MYO10: variants seen among roughly 807,000 people sequenced by gnomAD.
The protein encoded by MYO10 is myosin X.
Under a neutral mutation model 257.3 loss-of-function variants are expected in MYO10, and 133 were observed. The observed-to-expected ratio is 0.52, with a 90% confidence interval of 0.45 to 0.60. The LOEUF is 0.60. Among genes scored for constraint, MYO10 ranks in the 20% least tolerant of loss-of-function variants. The probability of loss-of-function intolerance (pLI) is 0.00; values close to 1 mark genes in which losing one functional copy is unlikely to be tolerated. For synonymous variants in MYO10, 1,104 were observed against 1,028.6 expected (o/e 1.07, Z -1.40); for missense variants, 2,399 against 2,635.7 (o/e 0.91, Z 1.97).
intron 1 of MYO10, among the ~76,000 whole-genome samples, chr5:16,924,213 T>TGG (rs139120574): frequency 1.1e-4 from 17 of 152,054 alleles, no homozygotes; most frequent in Admixed American, 1.1e-3. Flanking sequence ...ACAACCACGC[T>TGG]GGGGGGTGAG....
At chr5:16,722,296 C>T (rs1446571699) in intron 19 of MYO10, among the ~76,000 whole-genome samples, 1 of 152,228 alleles carries the variant, frequency 6.6e-6, no homozygotes, top group African/African-American at 2.4e-5. Context: ...TTAAATTACA[C>T]ATTCTTGCAG....
Position 16,739,715 on chromosome 5 carries a change from G to T in MYO10, c.1929+15113C>A, listed in dbSNP as rs868165082. 1.1e-4 allele frequency among the ~76,000 whole-genome samples: 17 copies of T among 151,916 alleles called. No homozygotes were observed. In the South Asian group the frequency reaches 3.5e-3, roughly 32 times the overall value. ...AAGATTTATTAAGTTAAAAAAAAAA[G>T]TAGGTTACAAAATTAAGGTAAACTA... is the stretch of plus-strand genomic sequence containing the variant. On this transcript the variant is annotated intron_variant, in intron 19 of 40. Coordinates refer to ENST00000513610, the MANE Select transcript of MYO10 (RefSeq NM_012334.3).
chr5:16,784,765 G>C (rs1309308371), intron 4 of MYO10, among the ~76,000 whole-genome samples: 1 of 152,182 alleles, frequency 6.6e-6, no homozygotes, highest in Admixed American at 6.5e-5. Flanking sequence ...TATCAAGAAA[G>C]AGGAATTTTG....
chr5:16,903,680 T>A (rs1220406523), intron 1 of MYO10, among the ~76,000 whole-genome samples: 6 of 152,194 alleles, frequency 3.9e-5, no homozygotes, highest in Admixed American at 3.9e-4. Context: ...GCACCTGGCA[T>A]AGAGAACTGC....
intron 19 of MYO10, among the ~76,000 whole-genome samples, chr5:16,721,906 AC>A (rs1739167877): frequency 6.6e-6 from 1 of 152,198 alleles, no homozygotes; most frequent in African/African-American, 2.4e-5. Context: ...CCAGTTTAAG[AC>A]AAAGGCTTCG....
Position 16,779,547 on chromosome 5 carries a change from T to G in MYO10, c.928A>C (p.Ile310Leu). Residue 310 changes from isoleucine (I) to leucine (L), a missense_variant and splice_region_variant, in exon 9 of 41, where the codon ATT becomes CTT. Ile to Leu is a conservative substitution (Grantham distance 5, BLOSUM62 2). Around this residue, in one of 3 missense-constraint regions of MYO10, gnomAD observed 337 missense variants for 446.8 expected, o/e 0.75. Transcript: ENST00000513610. ...ISDQESFREV[I>L]TAMDVMQFSK... is the part of the protein sequence containing the mutation. ...GAAAACATTTAAAAGTAACTTACAA[T>G]AACTTCCCTAAAGGATTCCTGGTCA... 6.5e-7 allele frequency: 1 copy of G among 1,546,672 alleles called. No individual in the cohort carries two copies. Among genetic ancestry groups the G allele is most frequent in the Admixed American group, 2.1e-5 (1 of 48,364 alleles).
intron 1 of MYO10, among the ~76,000 whole-genome samples, chr5:16,879,538 T>A (rs940510192): frequency 2.6e-5 from 4 of 152,146 alleles, no homozygotes; most frequent in Admixed American, 2.0e-4. Flanking sequence ...AAACTAGGAA[T>A]CCTCTCAATT....
At chr5:16,710,775 G>T in intron 21 of MYO10, 133 bp downstream of exon 21, 1 of 723,498 alleles carries the variant, frequency 1.4e-6, no homozygotes, top group Non-Finnish European at 2.3e-6. Flanking sequence ...GTTATGGTAG[G>T]CATGGCAACA....
At chr5:16,878,214 C>G (rs775289365) in intron 1 of MYO10, among the ~76,000 whole-genome samples, 1 of 152,116 alleles carries the variant, frequency 6.6e-6, no homozygotes, top group Non-Finnish European at 1.5e-5. Flanking sequence ...GGTCAAAGTC[C>G]GGTACACTTG....
intron 1 of MYO10, among the ~76,000 whole-genome samples, chr5:16,898,522 C>T (rs1745276336): frequency 6.6e-6 from 1 of 151,434 alleles, no homozygotes; most frequent in African/African-American, 2.4e-5. Flanking sequence ...AAGCGATTCT[C>T]CTGCCTCAGC....
intron 2 of MYO10, among the ~76,000 whole-genome samples, chr5:16,851,968 T>A (rs1034335679): frequency 1.8e-4 from 27 of 147,030 alleles, no homozygotes; most frequent in African/African-American, 6.8e-4. Flanking sequence ...GAAGAATCGC[T>A]TGAACCTGGG....
At chr5:16,873,529 C>G (rs1181425340) in intron 2 of MYO10, among the ~76,000 whole-genome samples, 1 of 152,212 alleles carries the variant, frequency 6.6e-6, no homozygotes, top group Non-Finnish European at 1.5e-5. Flanking sequence ...AGGCGGTACC[C>G]CAGTAGCGAC....
chr5:16,840,691 A>C (rs1203882854), intron 2 of MYO10, among the ~76,000 whole-genome samples: 1 of 152,144 alleles, frequency 6.6e-6, no homozygotes, highest in African/African-American at 2.4e-5. Flanking sequence ...ACAATAAAAA[A>C]ATGCAATATG....
intron 29 of MYO10, 50 bp downstream of exon 29, chr5:16,685,688 C>A (rs372207840): frequency 2.3e-6 from 3 of 1,281,396 alleles, no homozygotes; most frequent in Non-Finnish European, 3.3e-6. Flanking sequence ...ACGCCCTCCC[C>A]GTCCCTGCCC....
intron 2 of MYO10, among the ~76,000 whole-genome samples, chr5:16,856,681 C>T (rs1743969548): frequency 6.6e-6 from 1 of 152,024 alleles, no homozygotes; most frequent in African/African-American, 2.4e-5. Context: ...GAGAGTCTTG[C>T]TCAAGCTTCC....
rs756320968 is a variant in MYO10 at position 16,916,487 on chromosome 5, G to C, written c.21+19301C>G. 2.9e-5 allele frequency: 5 copies of C among 175,124 alleles called. No individual in the cohort carries two copies. In the South Asian group the frequency reaches 3.6e-4, roughly 13 times the overall value. The allele number at this position is 175,124 out of a possible 1,614,324, so 10.8% of individuals were successfully genotyped here. On this transcript the variant is annotated intron_variant, in intron 1 of 40. Transcript: ENST00000513610. The stretch of plus-strand genomic sequence containing the variant: ...CTCTTGCTAGGAAGGGAAAAGAGGA[G>C]AGGAGAAGCATGGAAAGAACTCACT...
At chr5:16,899,497 C>T (rs189169274) in intron 1 of MYO10, among the ~76,000 whole-genome samples, 36 of 151,600 alleles carry the variant, frequency 2.4e-4, no homozygotes, top group Admixed American at 5.3e-4. Context: ...ATTAGCAGAG[C>T]GTTGTGGCGT....
chr5:16,785,101 A>G (rs1391011019), intron 4 of MYO10, among the ~76,000 whole-genome samples: 1 of 152,262 alleles, frequency 6.6e-6, no homozygotes, highest in Non-Finnish European at 1.5e-5. Context: ...AGCAAAAGCC[A>G]AGAAAATCAG....
At chr5:16,771,060 G>A (rs942170430) in intron 9 of MYO10, among the ~76,000 whole-genome samples, 11 of 152,152 alleles carry the variant, frequency 7.2e-5, no homozygotes, top group Non-Finnish European at 1.6e-4. Flanking sequence ...GAACCACCAC[G>A]CCAGGCCAAG....
Sources: allele counts gnomAD v4.1 joint callset (sites outside exome capture counted in the v4.1 genomes callset), GRCh38; gene constraint gnomAD v4.1.1; regional missense constraint gnomAD v4.1.1; transcripts MANE v1.5; gene names NCBI Gene and HGNC (gene_info 2026-07-23, HGNC 2026-07-21).